The following NRXN3 variants were observed in gnomAD, a reference collection of about 807,000 sequenced individuals.
The protein encoded by NRXN3 is neurexin III.
In NRXN3, 32 loss-of-function variants were observed where a neutral mutation model predicts 137.6. That is an observed-to-expected ratio of 0.23 (90% confidence interval 0.18 to 0.31). The LOEUF is 0.31. NRXN3 is among the 10% of genes least tolerant of loss of function. The probability of loss-of-function intolerance (pLI) is 1.00; values close to 1 mark genes in which losing one functional copy is unlikely to be tolerated. For missense variants in NRXN3, 1,574 were observed against 2,062.5 expected (o/e 0.76, Z 4.59); for synonymous variants, 798 against 784.5 (o/e 1.02, Z -0.29).
intron 6 of NRXN3, among the ~76,000 whole-genome samples, chr14:78,654,327 A>G (rs554760495): frequency 6.6e-6 from 1 of 152,208 alleles, no homozygotes; most frequent in Non-Finnish European, 1.5e-5. Flanking sequence ...GCTGCCTTAA[A>G]AAAATCTTCT....
chr14:78,478,427 G>A (rs180918292), intron 4 of NRXN3, among the ~76,000 whole-genome samples: 1 of 152,226 alleles, frequency 6.6e-6, no homozygotes, highest in African/African-American at 2.4e-5. Context: ...TCTCTTTAAT[G>A]ATAGCAAGTC....
chr14:78,579,247 A>G (rs2096967261), intron 4 of NRXN3, among the ~76,000 whole-genome samples: 1 of 152,206 alleles, frequency 6.6e-6, no homozygotes, highest in Non-Finnish European at 1.5e-5. Flanking sequence ...GATATGCCTT[A>G]AAGATCATTG....
chr14:79,204,271 A>G (rs1389010748), intron 15 of NRXN3, among the ~76,000 whole-genome samples: 1 of 151,596 alleles, frequency 6.6e-6, no homozygotes, highest in African/African-American at 2.4e-5. Context: ...GCTCTGGTAT[A>G]TGGAAGTGCC....
chr14:79,741,548 G>T (rs558655622), intron 19 of NRXN3, among the ~76,000 whole-genome samples: 1 of 151,974 alleles, frequency 6.6e-6, no homozygotes, highest in East Asian at 1.9e-4. Context: ...GCAGTGGCAT[G>T]ATCTTGGCTT....
rs928485321 is a variant in NRXN3 at position 78,987,500 on chromosome 14, A to C, written c.3143-522A>C. 2.7e-5 allele frequency among the ~76,000 whole-genome samples: 4 copies of C among 148,594 alleles called. No individual in the cohort carries two copies. The East Asian group carries it at 7.8e-4, about 29-fold the overall frequency. On this transcript the variant is annotated intron_variant, in intron 14 of 20. Transcript: ENST00000335750. ...CTCGCCCCCTAAAAAACATCAATAC[A>C]TGTTGGCTGCTAAATCCTCCTTCTT...
At chr14:78,283,305 AG>A (rs2074678975) in intron 3 of NRXN3, 1 of 152,236 alleles carries the variant, frequency 6.6e-6, no homozygotes, top group Non-Finnish European at 1.5e-5. Context: ...CTATAGCTTG[AG>A]GGTCAAATCC....
At chr14:78,942,446 G>T (rs2099354938) in intron 10 of NRXN3, among the ~76,000 whole-genome samples, 1 of 152,096 alleles carries the variant, frequency 6.6e-6, no homozygotes, top group South Asian at 2.1e-4. Flanking sequence ...TGGAAAAACA[G>T]AAATAAAAAA....
At chr14:78,861,915 G>A (rs1043705699) in intron 10 of NRXN3, among the ~76,000 whole-genome samples, 1 of 152,056 alleles carries the variant, frequency 6.6e-6, no homozygotes, top group Non-Finnish European at 1.5e-5. Flanking sequence ...AGCCAGTATA[G>A]GATATTTTAA....
intron 16 of NRXN3, among the ~76,000 whole-genome samples, chr14:79,634,310 G>GGA (rs34105116): frequency 2.3e-3 from 339 of 150,370 alleles, no homozygotes; most frequent in African/African-American, 6.4e-3. Context: ...AGCAAATGAG[G>GGA]GAGAGAGAGA....
intron 4 of NRXN3, among the ~76,000 whole-genome samples, chr14:78,460,338 C>G (rs141021081): frequency 6.6e-6 from 1 of 152,340 alleles, no homozygotes; most frequent in Non-Finnish European, 1.5e-5. Context: ...TTTAGCCCCT[C>G]TCTGTTTCCT....
chr14:78,320,289 C>A (rs1461373690), intron 4 of NRXN3, among the ~76,000 whole-genome samples: 2 of 152,140 alleles, frequency 1.3e-5, no homozygotes, highest in Non-Finnish European at 2.9e-5. Flanking sequence ...CAAATGGAAG[C>A]ATTTAAAACC....
chr14:79,557,625 A>G (rs2097443884), intron 16 of NRXN3, among the ~76,000 whole-genome samples: 1 of 152,158 alleles, frequency 6.6e-6, no homozygotes, highest in Non-Finnish European at 1.5e-5. Context: ...AGTAATGTAC[A>G]AACCTTAATT....
intron 10 of NRXN3, among the ~76,000 whole-genome samples, chr14:78,861,799 G>A (rs1030491155): frequency 6.6e-6 from 1 of 152,040 alleles, no homozygotes; most frequent in African/African-American, 2.4e-5. Flanking sequence ...CCAAGTGTCA[G>A]TTATCCACAC....
At chr14:79,414,096 C>T (rs1567058925) in intron 15 of NRXN3, among the ~76,000 whole-genome samples, 1 of 151,996 alleles carries the variant, frequency 6.6e-6, no homozygotes, top group Non-Finnish European at 1.5e-5. Context: ...AGATTTTAGA[C>T]TCACCATTCT....
At chr14:78,370,215 C>A (rs770268162) in intron 4 of NRXN3, among the ~76,000 whole-genome samples, 2 of 152,128 alleles carry the variant, frequency 1.3e-5, no homozygotes, top group African/African-American at 2.4e-5. Context: ...ACGTAGTGAT[C>A]TGGAACCCAA....
chr14:78,645,890 T>C (rs530502801), intron 5 of NRXN3, among the ~76,000 whole-genome samples: 1 of 152,118 alleles, frequency 6.6e-6, no homozygotes, highest in African/African-American at 2.4e-5. Context: ...CCAGAAAAAG[T>C]CTTCCTTTTC....
chr14:79,263,090 AT>A (rs1247373648), intron 15 of NRXN3, among the ~76,000 whole-genome samples: 8 of 152,178 alleles, frequency 5.3e-5, no homozygotes, highest in Non-Finnish European at 1.0e-4. Context: ...CCTCTTGGCC[AT>A]TCCTCAAGTG....
At chr14:78,904,390 G>T (rs754416123) in intron 10 of NRXN3, among the ~76,000 whole-genome samples, 2 of 152,040 alleles carry the variant, frequency 1.3e-5, no homozygotes, top group Non-Finnish European at 2.9e-5. Flanking sequence ...TGCCGAGGTT[G>T]AAAAGACCTG....
intron 15 of NRXN3, among the ~76,000 whole-genome samples, chr14:79,231,978 T>G (rs1426973324): frequency 1.3e-5 from 2 of 152,126 alleles, no homozygotes; most frequent in African/African-American, 4.8e-5. Context: ...GTATTAAAAT[T>G]TTTAACTTGC....
Sources: gnomAD v4.1 joint callset for allele counts (sites outside exome capture counted in the v4.1 genomes callset) on GRCh38, gnomAD v4.1.1 for gene constraint, MANE v1.5 for transcripts, NCBI Gene and HGNC (gene_info 2026-07-23, HGNC 2026-07-21) for gene names.